Variants in AK6 observed in about 807,000 individuals in gnomAD.
AK6 encodes the protein adenylate kinase 6, also known as adenylate kinase isoenzyme 6.
In AK6, 24 loss-of-function variants were observed where a neutral mutation model predicts 23.7. The ratio of observed to expected loss-of-function variants is 1.01; its 90% CI spans 0.73 to 1.43. The LOEUF (loss-of-function observed/expected upper bound fraction) is 1.43. AK6 is among the 40% of genes most tolerant of loss of function. The probability of loss-of-function intolerance (pLI) is 0.00; values close to 1 mark genes in which losing one functional copy is unlikely to be tolerated. For missense variants in AK6, 191 were observed against 199.1 expected (o/e 0.96, Z 0.24); for synonymous variants, 73 against 69.8 (o/e 1.05, Z -0.23).
chr5:69,358,544 A>G (rs1236689802), intron 2 of AK6, among the ~76,000 whole-genome samples: 2 of 145,120 alleles, frequency 1.4e-5, no homozygotes, highest in Non-Finnish European at 3.1e-5. Flanking sequence ...AAAAAAAAAG[A>G]AAGATGACTT....
chr5:69,358,966 C>A (rs1189948727), intron 2 of AK6, among the ~76,000 whole-genome samples: 1 of 151,662 alleles, frequency 6.6e-6, no homozygotes, highest in Non-Finnish European at 1.5e-5. Flanking sequence ...AAAGGGTGAG[C>A]ATGGTGGTTC....
chr5:69,357,749 C>T (rs1056034326), intron 2 of AK6, among the ~76,000 whole-genome samples: 49 of 152,124 alleles, frequency 3.2e-4, no homozygotes, highest in Non-Finnish European at 2.1e-4. Flanking sequence ...ATGTTCAATC[C>T]ATTTAGATAT....
upstream of AK6, chr5:69,369,659 G>C (rs760306889): frequency 1.3e-6 from 2 of 1,559,088 alleles, no homozygotes; most frequent in South Asian, 2.3e-5. Context: ...CTGGTTACCT[G>C]GCTTTCGATG....
At chr5:69,356,107 A>G (rs1351651008) in intron 2 of AK6, 154 bp from the exon 3 acceptor site, 1 of 218,680 alleles carries the variant, frequency 4.6e-6, no homozygotes, top group African/African-American at 2.3e-5. Context: ...CATAAACACC[A>G]AATATAAAGG....
Position 69,366,562 on chromosome 5 carries a change from T to C in AK6, c.62A>G (p.Lys21Arg). The C allele has an allele frequency of 6.2e-7, 1 of 1,614,138 alleles. No homozygotes were observed. The change falls in exon 2 of 5, where the codon AAA (lysine) becomes AGA (arginine). Residue 21 changes from lysine to arginine, a missense_variant. Coordinates refer to ENST00000380822, the MANE Select transcript of AK6 (RefSeq NM_016283.5). ...TPGVGKTTLG[K>R]ELASKSGLKY... Reference sequence around the variant, plus strand: ...CAGTCCTGATTTTGACGCAAGTTCTTTGCCTAGTGTGGTTTTTCCAACCCC... The same window carrying C: ...CAGTCCTGATTTTGACGCAAGTTCTCTGCCTAGTGTGGTTTTTCCAACCCC...
intron 2 of AK6, among the ~76,000 whole-genome samples, chr5:69,363,503 G>T (rs976960862): frequency 1.3e-5 from 2 of 152,222 alleles, no homozygotes. Context: ...AGAAAGGCCG[G>T]GCTGGGCGCG....
At chr5:69,366,875 C>CA (rs1762453250) in intron 1 of AK6, 1 of 352,838 alleles carries the variant, frequency 2.8e-6, no homozygotes. Flanking sequence ...TCTCCTGCCT[C>CA]AGTCTCCTCA....
chr5:69,356,139 G>A (rs1055701035), intron 2 of AK6, among the ~76,000 whole-genome samples, 186 bp from the exon 3 acceptor site: 10 of 152,114 alleles, frequency 6.6e-5, no homozygotes, highest in Admixed American at 3.3e-4. Flanking sequence ...CTGATAAATT[G>A]GAATTTTGTT....
At chr5:69,359,112 G>A (rs1006508172) in intron 2 of AK6, among the ~76,000 whole-genome samples, 1 of 151,906 alleles carries the variant, frequency 6.6e-6, no homozygotes, top group African/African-American at 2.4e-5. Flanking sequence ...CCAGCATGGC[G>A]GTGCCAGCCT....
intron 4 of AK6, among the ~76,000 whole-genome samples, chr5:69,355,312 T>C (rs575546711): frequency 3.3e-5 from 5 of 152,216 alleles, no homozygotes; most frequent in East Asian, 3.9e-4. Flanking sequence ...GGTGGGCAGA[T>C]TGCTGGAGCC....
At chr5:69,359,333 C>A (rs925519386) in intron 2 of AK6, among the ~76,000 whole-genome samples, 2 of 152,046 alleles carry the variant, frequency 1.3e-5, no homozygotes, top group Non-Finnish European at 2.9e-5. Context: ...CAACCTCCGT[C>A]TCCTGGGTTC....
intron 2 of AK6, among the ~76,000 whole-genome samples, chr5:69,364,560 A>G (rs950007958): frequency 2.6e-5 from 4 of 152,238 alleles, no homozygotes; most frequent in Non-Finnish European, 5.9e-5. Flanking sequence ...ACAGATCACA[A>G]GAGTGACGTA....
At chr5:69,355,846 T>C in intron 3 of AK6, 49 bp downstream of exon 3, 1 of 1,596,898 alleles carries the variant, frequency 6.3e-7, no homozygotes, top group Non-Finnish European at 8.5e-7. Context: ...GAAGTCAACT[T>C]TCCTATGAAA....
At chr5:69,365,758 T>C (rs1187256185) in intron 2 of AK6, 2 of 1,502,622 alleles carry the variant, frequency 1.3e-6, no homozygotes, top group African/African-American at 1.4e-5. Context: ...GATCAGACTT[T>C]AGATCATTTG....
At chr5:69,366,016 CAG>C (rs1762407972) in intron 2 of AK6, among the ~76,000 whole-genome samples, 1 of 152,020 alleles carries the variant, frequency 6.6e-6, no homozygotes, top group Non-Finnish European at 1.5e-5. Flanking sequence ...TAGGGGAAAA[CAG>C]GGTAAAATAA....
At chr5:69,353,612 T>C (rs1449316613) in intron 4 of AK6, among the ~76,000 whole-genome samples, 2 of 152,114 alleles carry the variant, frequency 1.3e-5, no homozygotes, top group African/African-American at 2.4e-5. Flanking sequence ...TTTTCTAAAA[T>C]TGTTTGTGGT....
At chr5:69,359,949 C>CA (rs1762185749) in intron 2 of AK6, among the ~76,000 whole-genome samples, 1 of 152,106 alleles carries the variant, frequency 6.6e-6, no homozygotes, top group African/African-American at 2.4e-5. Flanking sequence ...GTTGGGCCTC[C>CA]AAGGAGTTGT....
intron 4 of AK6, among the ~76,000 whole-genome samples, chr5:69,352,925 G>A (rs1761984963): frequency 6.6e-6 from 1 of 152,076 alleles, no homozygotes; most frequent in South Asian, 2.1e-4. Context: ...AACACATGAT[G>A]TCCACACAAA....
intron 2 of AK6, among the ~76,000 whole-genome samples, chr5:69,357,324 A>G (rs1036757995): frequency 2.6e-5 from 4 of 152,190 alleles, no homozygotes; most frequent in African/African-American, 9.7e-5. Flanking sequence ...TACCAACCTA[A>G]AAAATTAAAC....
Sources: allele counts gnomAD v4.1 joint callset (sites outside exome capture counted in the v4.1 genomes callset), GRCh38; gene constraint gnomAD v4.1.1; transcripts MANE v1.5; gene names NCBI Gene and HGNC (gene_info 2026-07-23, HGNC 2026-07-21).